CREB5: variants seen among roughly 807,000 people sequenced by gnomAD.
CREB5 encodes cAMP responsive element binding protein 5, also known as cyclic AMP-responsive element-binding protein 5.
CREB5 carries 19 observed loss-of-function variants against 57.1 expected under a neutral mutation model. The ratio of observed to expected loss-of-function variants is 0.33; its 90% CI spans 0.23 to 0.49. The LOEUF (loss-of-function observed/expected upper bound fraction) is 0.49, where lower values mean the gene tolerates loss of function less well. Ranked by LOEUF, CREB5 falls within the 20% of genes least tolerant of loss-of-function variation. CREB5 has a pLI of 0.99. For missense variants in CREB5, 579 were observed against 671.6 expected, an observed-to-expected ratio of 0.86 and a Z score of 1.52; for synonymous variants, 238 against 238.3, an observed-to-expected ratio of 1.00 and a Z score of 0.01.
intron 1 of CREB5, among the ~76,000 whole-genome samples, chr7:28,449,170 T>C (rs1789658115): frequency 6.6e-6 from 1 of 152,220 alleles, no homozygotes; most frequent in South Asian, 2.1e-4. Flanking sequence ...TCATTTCCCC[T>C]GACCACTCAC....
chr7:28,555,585 T>C (rs1162305215), intron 4 of CREB5, among the ~76,000 whole-genome samples: 1 of 152,204 alleles, frequency 6.6e-6, no homozygotes, highest in Non-Finnish European at 1.5e-5. Context: ...AACGTATTTC[T>C]TTACATATAG....
chr7:28,534,616 CAG>C (rs1331583723), intron 4 of CREB5, among the ~76,000 whole-genome samples: 2 of 152,308 alleles, frequency 1.3e-5, no homozygotes, highest in East Asian at 3.9e-4. Flanking sequence ...ACAGGAGTCT[CAG>C]ATAATATTTC....
chr7:28,738,350 A>G (rs1364420946), intron 7 of CREB5, among the ~76,000 whole-genome samples: 1 of 152,174 alleles, frequency 6.6e-6, no homozygotes, highest in Non-Finnish European at 1.5e-5. Flanking sequence ...AAAGCTAGCA[A>G]AGGAGCAAGA....
At chr7:28,797,617 T>G (rs1808122645) in intron 7 of CREB5, among the ~76,000 whole-genome samples, 1 of 152,208 alleles carries the variant, frequency 6.6e-6, no homozygotes, top group African/African-American at 2.4e-5. Context: ...ATAGATTTTA[T>G]TCCAAGTGAT....
At chr7:28,686,259 C>T (rs1244951356) in intron 5 of CREB5, 2 of 1,344,172 alleles carry the variant, frequency 1.5e-6, no homozygotes, top group Non-Finnish European at 2.1e-6. Context: ...CCCCTACTGC[C>T]TTCTGTTTTT....
intron 7 of CREB5, among the ~76,000 whole-genome samples, chr7:28,774,865 A>G (rs531245800): frequency 2.0e-5 from 3 of 152,216 alleles, no homozygotes; most frequent in Non-Finnish European, 4.4e-5. Flanking sequence ...GACTTCAGCA[A>G]ACTGTTTACT....
At chr7:28,602,121 T>TTTTA (rs111244413) in intron 5 of CREB5, among the ~76,000 whole-genome samples, 1,710 of 152,020 alleles carry the variant, frequency 0.011, 21 homozygotes, top group African/African-American at 0.033. Flanking sequence ...ATTTGGGCTA[T>TTTTA]TTTATTTATT....
At chr7:28,421,465 A>T (rs1017635260) in intron 1 of CREB5, among the ~76,000 whole-genome samples, 1 of 152,042 alleles carries the variant, frequency 6.6e-6, no homozygotes, top group Non-Finnish European at 1.5e-5. Context: ...GATTTTGGGG[A>T]TGCATCCACT....
At chr7:28,474,357 T>C (rs4719935) in intron 1 of CREB5, among the ~76,000 whole-genome samples, 24,054 of 152,170 alleles carry the variant, frequency 0.16, 2,060 homozygotes, top group East Asian at 0.19. Flanking sequence ...GATGGGAGTC[T>C]TGCTCTCCCC....
intron 5 of CREB5, among the ~76,000 whole-genome samples, chr7:28,645,635 A>G (rs1298104019): frequency 6.6e-6 from 1 of 152,214 alleles, no homozygotes; most frequent in African/African-American, 2.4e-5. Flanking sequence ...AAAATGCCTT[A>G]TGATCAGTGT....
chr7:28,432,113 T>G (rs1188721646), intron 1 of CREB5, among the ~76,000 whole-genome samples: 2 of 151,514 alleles, frequency 1.3e-5, no homozygotes, highest in Admixed American at 1.3e-4. Flanking sequence ...GATAAAAACA[T>G]GCACTGAAAC....
At chr7:28,700,781 C>T (rs533135897) in intron 5 of CREB5, among the ~76,000 whole-genome samples, 1 of 152,076 alleles carries the variant, frequency 6.6e-6, no homozygotes, top group Admixed American at 6.5e-5. Flanking sequence ...AATAGAAGCT[C>T]CAAAAAGTGA....
intron 3 of CREB5, among the ~76,000 whole-genome samples, chr7:28,506,207 G>T (rs186500197): frequency 3.4e-4 from 52 of 152,276 alleles, no homozygotes; most frequent in African/African-American, 1.3e-3. Context: ...TGCTTCATGG[G>T]TATTAAGATA....
At chr7:28,725,952 T>C (rs930822409) in intron 7 of CREB5, among the ~76,000 whole-genome samples, 1 of 152,148 alleles carries the variant, frequency 6.6e-6, no homozygotes, top group Non-Finnish European at 1.5e-5. Flanking sequence ...AAAAGTGTCC[T>C]TCTTCTCTTC....
chr7:28,542,686 G>A (rs1794254728), intron 4 of CREB5, among the ~76,000 whole-genome samples: 1 of 152,094 alleles, frequency 6.6e-6, no homozygotes, highest in Admixed American at 6.5e-5. Context: ...AAGATAAGGA[G>A]TAATGTCCCT....
chr7:28,652,402 G>C (rs76688586), intron 5 of CREB5, among the ~76,000 whole-genome samples: 5,601 of 152,248 alleles, frequency 0.037, 306 homozygotes, highest in East Asian at 0.24. Flanking sequence ...TAATGGTTCT[G>C]ATTTTTAAAG....
At chr7:28,469,535 T>C (rs187995526) in intron 1 of CREB5, among the ~76,000 whole-genome samples, 2 of 152,242 alleles carry the variant, frequency 1.3e-5, no homozygotes, top group Admixed American at 6.5e-5. Flanking sequence ...TAAAAATTAA[T>C]GTCTCTGCCA....
rs199561235 is a variant in CREB5, at chr7:28,306,541, G to GTTTTTTTTTTTTTTTTTT, written c.-25+7104_-25+7105insTTTTTTTTTTTTTTTTTT. 1.6e-4 allele frequency among the ~76,000 whole-genome samples: 7 copies of GTTTTTTTTTTTTTTTTTT among 44,446 alleles called. 2 individuals carry two copies. The highest frequency in any genetic ancestry group is 5.4e-4 in the African/African-American group (7 of 12,942). 29.2% of individuals were successfully genotyped at this position (44,446 alleles called of 152,430 possible). ...ACTGGTGCCAGTACATACAGATACAGTTTTGTTTTTTTTGTTTTTTTTTTT... is the reference window on the plus strand; with the variant it reads ...ACTGGTGCCAGTACATACAGATACAGTTTTTTTTTTTTTTTTTTTTTTGTTTTTTTTGTTTTTTTTTTT... On this transcript the variant is annotated intron_variant, in intron 1 of 9. Transcript: ENST00000396299.
In CREB5 at chr7:28,643,766, GAAA is replaced by G. The variant is rs368530292; in HGVS notation, c.464+73239_464+73241del. Among the ~76,000 whole-genome samples, 920 of 141,954 alleles carry G rather than the reference GAAA, an allele frequency of 6.5e-3. 14 individuals are homozygous for G. Among genetic ancestry groups the G allele is most frequent in the African/African-American group, 0.021 (790 of 38,082 alleles). The allele number at this position is 141,954 out of a possible 152,430, so 93.1% of individuals were successfully genotyped here. A position where few individuals can be genotyped will look rare whatever the true frequency, so the allele number is the denominator to read the frequency against. ...GTTTGGGAGGTGGGGGGGGGCGGAAGAAAAAAAAAAAACACACAAACCTGGAGT... is the reference window on the plus strand; with the variant it reads ...GTTTGGGAGGTGGGGGGGGGCGGAAGAAAAAAAAACACACAAACCTGGAGT... On this transcript the variant is annotated intron_variant, in intron 5 of 10. Coordinates refer to ENST00000357727, the MANE Select transcript of CREB5 (RefSeq NM_182898.4).
Sources: gnomAD v4.1 joint callset for allele counts (sites outside exome capture counted in the v4.1 genomes callset) on GRCh38, gnomAD v4.1.1 for gene constraint, MANE v1.5 for transcripts, NCBI Gene and HGNC (gene_info 2026-07-23, HGNC 2026-07-21) for gene names.